Variants in PVT1 observed in about 807,000 individuals in gnomAD.
The protein encoded by PVT1 is CXCR4/PVT1 fusion.
chr8:127,967,314 G>A (rs1036843329), intron 3 of PVT1, among the ~76,000 whole-genome samples: 3 of 152,000 alleles, frequency 2.0e-5, no homozygotes, highest in Non-Finnish European at 4.4e-5. Flanking sequence ...TAACTTCTGG[G>A]GGGCTTAGAG....
intron 4 of PVT1, among the ~76,000 whole-genome samples, chr8:128,052,059 C>G (rs1002189234): frequency 3.3e-5 from 5 of 152,078 alleles, no homozygotes; most frequent in African/African-American, 1.2e-4. Flanking sequence ...TTATTCTTTA[C>G]CAATTAGCTT....
intron 3 of PVT1, among the ~76,000 whole-genome samples, chr8:127,965,327 G>A (rs894593347): frequency 1.3e-5 from 2 of 152,144 alleles, no homozygotes; most frequent in Non-Finnish European, 2.9e-5. Flanking sequence ...TGGGTATAAT[G>A]TACACATTTT....
chr8:128,078,477 G>T (rs923964143), intron 5 of PVT1, among the ~76,000 whole-genome samples: 10 of 152,150 alleles, frequency 6.6e-5, no homozygotes, highest in Admixed American at 6.5e-4. Context: ...CTTTGAGTGG[G>T]TTAGCCCAGA....
At chr8:127,994,212 G>T (rs1817077672) in intron 4 of PVT1, among the ~76,000 whole-genome samples, 1 of 152,202 alleles carries the variant, frequency 6.6e-6, no homozygotes, top group African/African-American at 2.4e-5. Context: ...TTCTGAAAAT[G>T]AGGATCTTTC....
intron 6 of PVT1, among the ~76,000 whole-genome samples, chr8:128,100,695 C>T (rs1814492890): frequency 6.6e-6 from 1 of 152,174 alleles, no homozygotes; most frequent in South Asian, 2.1e-4. Context: ...GTAAGCTAAG[C>T]CAACCCAACC....
At chr8:127,882,034 C>T (rs1815473506) in intron 2 of PVT1, among the ~76,000 whole-genome samples, 1 of 152,228 alleles carries the variant, frequency 6.6e-6, no homozygotes, top group Admixed American at 6.5e-5. Context: ...GCCGCTGTGC[C>T]CGGCTTATTC....
intron 4 of PVT1, among the ~76,000 whole-genome samples, chr8:128,019,867 G>T (rs887721091): frequency 6.6e-6 from 1 of 152,190 alleles, no homozygotes; most frequent in African/African-American, 2.4e-5. Flanking sequence ...GTAAACTTTG[G>T]TGTTTACTTG....
chr8:127,850,527 A>G (rs908569817), intron 2 of PVT1, among the ~76,000 whole-genome samples: 1 of 152,220 alleles, frequency 6.6e-6, no homozygotes, highest in East Asian at 1.9e-4. Flanking sequence ...TTTGTATAGT[A>G]AGACACAGTG....
chr8:127,996,457 T>C (rs906034370), intron 4 of PVT1: 3 of 151,630 alleles, frequency 2.0e-5, no homozygotes, highest in Admixed American at 1.3e-4. Flanking sequence ...GAATTTTTTT[T>C]CCTCCAAAAA....
chr8:127,800,785 C>G (rs1234908924), intron 2 of PVT1, among the ~76,000 whole-genome samples: 1 of 152,126 alleles, frequency 6.6e-6, no homozygotes, highest in Non-Finnish European at 1.5e-5. Flanking sequence ...GACAGATTTC[C>G]ATGCTAGAGC....
chr8:127,976,177 G>T (rs1041947992), intron 3 of PVT1, among the ~76,000 whole-genome samples: 2 of 152,202 alleles, frequency 1.3e-5, no homozygotes, highest in Non-Finnish European at 2.9e-5. Context: ...CAGAATCTCA[G>T]AGTTAAAAGA....
intron 2 of PVT1, among the ~76,000 whole-genome samples, chr8:127,843,909 A>G (rs1163031344): frequency 6.6e-6 from 1 of 151,866 alleles, no homozygotes; most frequent in Non-Finnish European, 1.5e-5. Context: ...GTCCTGTGGC[A>G]GGGGATTGTT....
intron 2 of PVT1, among the ~76,000 whole-genome samples, chr8:127,846,132 G>A (rs975792272): frequency 6.6e-6 from 1 of 152,102 alleles, no homozygotes; most frequent in Non-Finnish European, 1.5e-5. Flanking sequence ...GGCTCTTCAG[G>A]TGACTGGAGC....
chr8:127,878,331 A>G (rs1815428807), intron 2 of PVT1, among the ~76,000 whole-genome samples: 1 of 152,294 alleles, frequency 6.6e-6, no homozygotes, highest in South Asian at 2.1e-4. Flanking sequence ...AGCTTTTCCT[A>G]TATTGAGGAT....
chr8:127,814,946 C>T (rs1251831924), intron 2 of PVT1, among the ~76,000 whole-genome samples: 2 of 152,114 alleles, frequency 1.3e-5, no homozygotes, highest in East Asian at 1.9e-4. Flanking sequence ...TGGCTCATTA[C>T]ACTTGGTGTA....
At chr8:128,051,664 C>A (rs1813697611) in intron 4 of PVT1, among the ~76,000 whole-genome samples, 1 of 151,826 alleles carries the variant, frequency 6.6e-6, no homozygotes, top group African/African-American at 2.4e-5. Context: ...TGACTAATTT[C>A]AAATGGCCTG....
chr8:127,968,290 A>G (rs898047148), intron 3 of PVT1, among the ~76,000 whole-genome samples: 2 of 151,242 alleles, frequency 1.3e-5, no homozygotes, highest in Non-Finnish European at 2.9e-5. Flanking sequence ...TGGCTTCCTA[A>G]CTGTTGCAGG....
Position 127,984,997 on chromosome 8 carries a change from CCT to C in PVT1, n.783-4164_783-4163del, listed in dbSNP as rs1563657757. On this transcript the variant is annotated intron_variant and non_coding_transcript_variant, in intron 3 of 10. Transcript: ENST00000651587. ...TTCCTTCCTTTCTTTCTTTCTCTTTCCTTCCTTCCTTCCTTCCTTCCTTCCTT... is the reference window on the plus strand; with the variant it reads ...TTCCTTCCTTTCTTTCTTTCTCTTTCTCCTTCCTTCCTTCCTTCCTTCCTT... 1.3e-4 allele frequency among the ~76,000 whole-genome samples: 15 copies of C among 112,736 alleles called. 3 individuals are homozygous for C. The highest frequency in any genetic ancestry group is 6.5e-4 in the African/African-American group (15 of 22,982). 74.0% of individuals were successfully genotyped at this position (112,736 alleles called of 152,430 possible).
chr8:128,064,095 A>G (rs2130125352), intron 4 of PVT1, among the ~76,000 whole-genome samples: 1 of 152,342 alleles, frequency 6.6e-6, no homozygotes, highest in Non-Finnish European at 1.5e-5. Context: ...TGCCGCAAGC[A>G]TCTGGGTGAC....
Sources: allele counts gnomAD v4.1 joint callset (sites outside exome capture counted in the v4.1 genomes callset), GRCh38; gene constraint gnomAD v4.1.1; transcripts MANE v1.5; gene names NCBI Gene and HGNC (gene_info 2026-07-23, HGNC 2026-07-21).